The following SPATA1 variants were observed in gnomAD, a reference collection of about 807,000 sequenced individuals.
SPATA1 encodes the protein spermatogenesis-associated protein 1.
SPATA1 carries 57 observed loss-of-function variants against 59.6 expected under a neutral mutation model. The observed-to-expected ratio is 0.96, with a 90% CI of 0.77 to 1.19. The LOEUF is 1.19. Among genes scored for constraint, SPATA1 ranks in the 50% most tolerant of loss-of-function variants. The pLI is 0.00. For synonymous variants in SPATA1, 147 were observed against 163.9 expected (o/e 0.90, Z 0.79); for missense variants, 448 against 480.7 (o/e 0.93, Z 0.64).
At chr1:84,534,641 C>A (rs1056103177) in intron 8 of SPATA1, among the ~76,000 whole-genome samples, 1 of 152,050 alleles carries the variant, frequency 6.6e-6, no homozygotes, top group East Asian at 1.9e-4. Context: ...AATAACATAG[C>A]AAAAACCAGT....
intron 8 of SPATA1, among the ~76,000 whole-genome samples, chr1:84,538,266 G>A (rs996205709): frequency 6.6e-6 from 1 of 152,086 alleles, no homozygotes; most frequent in African/African-American, 2.4e-5. Flanking sequence ...TTCTTAATCT[G>A]GAAAATGCTT....
chr1:84,539,975 C>T (rs1570439459), intron 8 of SPATA1, among the ~76,000 whole-genome samples: 1 of 152,122 alleles, frequency 6.6e-6, no homozygotes, highest in African/African-American at 2.4e-5. Context: ...TGTCTTTCTT[C>T]GGCTCATTTA....
chr1:84,506,587 A>C (rs1364309996), intron 1 of SPATA1, 169 bp downstream of exon 1: 1 of 152,928 alleles, frequency 6.5e-6, no homozygotes, highest in Admixed American at 6.5e-5. Context: ...GTGAGGGGAG[A>C]TACTGGGTGA....
intron 4 of SPATA1, among the ~76,000 whole-genome samples, chr1:84,524,029 T>C (rs966129558): frequency 1.5e-4 from 22 of 151,086 alleles, no homozygotes; most frequent in East Asian, 7.7e-4. Context: ...GTGATGAAGA[T>C]TAAAATATAT....
At chr1:84,555,071 A>G (rs752461357), downstream of SPATA1, 5 of 1,613,938 alleles carry the variant, frequency 3.1e-6, no homozygotes, top group Admixed American at 5.0e-5. Context: ...CAGCATCTCC[A>G]GAGTAGTCAA....
At chr1:84,556,775 G>A (rs1311920975), downstream of SPATA1, among the ~76,000 whole-genome samples, 1 of 151,168 alleles carries the variant, frequency 6.6e-6, no homozygotes, top group East Asian at 1.9e-4. Context: ...AATACACTGC[G>A]GCATATTTAA....
At chr1:84,544,154 G>GA (rs1558608209) in intron 8 of SPATA1, 48 bp from the exon 9 acceptor site, 1 of 1,238,094 alleles carries the variant, frequency 8.1e-7, no homozygotes, top group South Asian at 1.3e-5. Context: ...AGTGAAAAAA[G>GA]AATGTGACAG....
chr1:84,519,132 A>G (rs1042079725), intron 2 of SPATA1, among the ~76,000 whole-genome samples: 4 of 152,066 alleles, frequency 2.6e-5, no homozygotes, highest in Admixed American at 2.6e-4. Context: ...AAAATCCATG[A>G]TGAACAAGAT....
chr1:84,511,448 T>C (rs1025454059), intron 1 of SPATA1, among the ~76,000 whole-genome samples: 1 of 152,206 alleles, frequency 6.6e-6, no homozygotes, highest in Non-Finnish European at 1.5e-5. Context: ...TATGCCATTT[T>C]GTCAACACTA....
At chr1:84,534,404 T>A (rs1358525239) in intron 8 of SPATA1, among the ~76,000 whole-genome samples, 1 of 152,110 alleles carries the variant, frequency 6.6e-6, no homozygotes, top group East Asian at 1.9e-4. Flanking sequence ...ATTTTACACA[T>A]ACTGACTCAT....
At chr1:84,541,802 G>A (rs11164003) in intron 8 of SPATA1, among the ~76,000 whole-genome samples, 11,799 of 152,124 alleles carry the variant, frequency 0.078, 872 homozygotes, top group African/African-American at 0.19. Flanking sequence ...GTTTATTTGC[G>A]TTGGATTTTT....
intron 8 of SPATA1, among the ~76,000 whole-genome samples, chr1:84,540,526 G>A (rs985879396): frequency 5.3e-5 from 8 of 151,610 alleles, no homozygotes; most frequent in East Asian, 1.9e-4. Flanking sequence ...TTTTCTTGTC[G>A]TTTATTTTCA....
At chr1:84,554,780 A>C (rs1488191379), downstream of SPATA1, 1 of 456,458 alleles carries the variant, frequency 2.2e-6, no homozygotes, top group Non-Finnish European at 3.9e-6. Flanking sequence ...TAATAGAGGA[A>C]TATTTAATAG....
intron 6 of SPATA1, among the ~76,000 whole-genome samples, chr1:84,530,110 G>C (rs1237489897): frequency 6.6e-6 from 1 of 150,408 alleles, no homozygotes; most frequent in Non-Finnish European, 1.5e-5. Flanking sequence ...CGCCCGCCTG[G>C]GACAGGCAGT....
At chr1:84,527,354 C>G (rs1285103899) in intron 6 of SPATA1, among the ~76,000 whole-genome samples, 2 of 151,766 alleles carry the variant, frequency 1.3e-5, no homozygotes, top group Non-Finnish European at 2.9e-5. Context: ...AAATGAGAGG[C>G]CAGTGTGTGT....
exon 4 of SPATA1, chr1:84,522,398 C>T: frequency 4.1e-6 from 6 of 1,477,330 alleles, no homozygotes; most frequent in South Asian, 3.0e-5. Flanking sequence ...AGAGTATCTC[C>T]TCAACTTACT....
chr1:84,558,818 T>C (rs1369027787), downstream of SPATA1, among the ~76,000 whole-genome samples: 1 of 151,970 alleles, frequency 6.6e-6, no homozygotes, highest in Non-Finnish European at 1.5e-5. Flanking sequence ...GGAGGATTGC[T>C]TGAGCCCAAG....
chr1:84,512,380 T>G (rs1463515562), intron 1 of SPATA1, among the ~76,000 whole-genome samples: 2 of 152,222 alleles, frequency 1.3e-5, no homozygotes, highest in African/African-American at 4.8e-5. Flanking sequence ...ACTAGAAATC[T>G]GCTTTTCTGG....
At chr1:84,535,216 A>T (rs1683625296) in intron 8 of SPATA1, among the ~76,000 whole-genome samples, 1 of 152,168 alleles carries the variant, frequency 6.6e-6, no homozygotes, top group South Asian at 2.1e-4. Flanking sequence ...TCCTTACGCC[A>T]ATACCACATT....
Sources: gnomAD v4.1 joint callset for allele counts (sites outside exome capture counted in the v4.1 genomes callset) on GRCh38, gnomAD v4.1.1 for gene constraint, MANE v1.5 for transcripts, NCBI Gene and HGNC (gene_info 2026-07-23, HGNC 2026-07-21) for gene names.